Variants in AGO2 observed in about 807,000 individuals in gnomAD.
AGO2 encodes the protein argonaute RISC catalytic component 2, also known as protein argonaute-2.
A neutral mutation model predicts 102.3 loss-of-function variants in AGO2; 5 were observed. The observed-to-expected ratio is 0.05, with a 90% confidence interval of 0.03 to 0.10. The LOEUF is 0.10. Ranked by LOEUF, AGO2 falls within the 10% of genes least tolerant of loss-of-function variation. The pLI is 1.00. For synonymous variants in AGO2, 449 were observed against 473.1 expected, an observed-to-expected ratio of 0.95 and a Z score of 0.66; for missense variants, 541 against 1,183.7, an observed-to-expected ratio of 0.46 and a Z score of 7.97.
chr8:140,587,507 G>A (rs1190649827), intron 1 of AGO2, among the ~76,000 whole-genome samples: 1 of 152,196 alleles, frequency 6.6e-6, no homozygotes, highest in African/African-American at 2.4e-5. Context: ...ATCACTCACA[G>A]GGAGTCCCAC....
intron 13 of AGO2, among the ~76,000 whole-genome samples, 190 bp downstream of exon 13, chr8:140,547,278 C>A (rs146514788): frequency 6.6e-5 from 10 of 152,260 alleles, no homozygotes; most frequent in South Asian, 2.1e-4. Flanking sequence ...CTCCTGCAGA[C>A]GCCCCTGGTC....
At chr8:140,599,429 A>G (rs915771534) in intron 1 of AGO2, among the ~76,000 whole-genome samples, 5 of 152,180 alleles carry the variant, frequency 3.3e-5, no homozygotes, top group Non-Finnish European at 5.9e-5. Context: ...GTCTTTTGTG[A>G]TGATGAAGAC....
At chr8:140,573,741 G>C (rs1309174872) in intron 2 of AGO2, among the ~76,000 whole-genome samples, 1 of 152,230 alleles carries the variant, frequency 6.6e-6, no homozygotes, top group African/African-American at 2.4e-5. Flanking sequence ...ATGGAGGTAG[G>C]GTCAGGCGCC....
chr8:140,632,212 T>C lies in AGO2; in HGVS notation c.22+3273A>G, dbSNP rs182197826. Among the ~76,000 whole-genome samples, 111 of 152,384 alleles carry C rather than the reference T, an allele frequency of 7.3e-4. 1 individual carries two copies. In the East Asian group the frequency reaches 0.018, roughly 24 times the overall value. ...GTTTGGAAGCGTTTACATCTTTTTT[T>C]CCTATGCACTTACTTAAATTATTCC... is the stretch of plus-strand genomic sequence containing the variant. On this transcript the variant is annotated intron_variant, in intron 1 of 18. Transcript: ENST00000220592.
chr8:140,539,467 G>A lies in AGO2; in HGVS notation c.2035-13C>T, dbSNP rs369583258. 36 of 1,606,106 alleles carry A rather than the reference G, an allele frequency of 2.2e-5. No homozygotes were observed. Among genetic ancestry groups the A allele is most frequent in the Non-Finnish European group, 2.8e-5 (33 of 1,175,824 alleles). ...CGTGGTGGAGAACCTAGGGGTACGG[G>A]AGGGAGGAGGTTGTGCTTAAAGATG... On this transcript the variant is annotated splice_polypyrimidine_tract_variant and intron_variant, in intron 15 of 18. Transcript: ENST00000220592. This position sits in a 1 kb window ranked among gnomAD's most constrained non-coding sequence, Gnocchi z 4.7.
chr8:140,568,877 A>G (rs2073335403), intron 3 of AGO2, among the ~76,000 whole-genome samples: 2 of 152,164 alleles, frequency 1.3e-5, no homozygotes, highest in South Asian at 2.1e-4. Context: ...CTTGGGTCAA[A>G]GCACCTGGCT....
At chr8:140,635,681 G>T (rs2074399634), upstream of AGO2, 2 of 192,724 alleles carry the variant, frequency 1.0e-5, no homozygotes, top group Admixed American at 6.8e-5. Flanking sequence ...CGGCGGGAGC[G>T]GGAGCGGGAG....
In AGO2 at chr8:140,541,274, G is replaced by A. The variant is rs2072792644; in HGVS notation, c.1924C>T (p.Leu642=). The change falls in exon 15 of 19, where the codon CTG becomes TTG. Residue 642 remains leucine (L), a synonymous_variant. Coordinates refer to ENST00000220592, the MANE Select transcript of AGO2 (RefSeq NM_012154.5). ...AGGAGCTCGCGGACCATGGCGGCCAGGTCTTGTATGATCTCCTGCCGGTGC... is the reference window on the plus strand; with the variant it reads ...AGGAGCTCGCGGACCATGGCGGCCAAGTCTTGTATGATCTCCTGCCGGTGC... ...QQHRQEIIQD[L]AAMVRELLIQ... 1 of 1,613,562 alleles carries A rather than the reference G, an allele frequency of 6.2e-7. No individual in the cohort carries two copies. Among genetic ancestry groups the A allele is most frequent in the African/African-American group, 1.3e-5 (1 of 74,946 alleles).
chr8:140,545,699 C>T (rs1209145272), intron 13 of AGO2, among the ~76,000 whole-genome samples: 1 of 152,196 alleles, frequency 6.6e-6, no homozygotes, highest in Non-Finnish European at 1.5e-5. Context: ...TTGATTTTTC[C>T]TTCACACACA....
intron 1 of AGO2, among the ~76,000 whole-genome samples, chr8:140,619,261 G>A (rs117665211): frequency 0.012 from 1,826 of 152,246 alleles, 10 homozygotes; most frequent in Non-Finnish European, 0.019. Flanking sequence ...TAATATTCAC[G>A]GGCAACACCA....
chr8:140,577,844 C>T (rs777677130), intron 2 of AGO2, among the ~76,000 whole-genome samples: 7 of 152,242 alleles, frequency 4.6e-5, no homozygotes, highest in Non-Finnish European at 8.8e-5. Context: ...ATCCAGCACT[C>T]GGCATGATCA....
chr8:140,553,411 G>GT lies in AGO2; in HGVS notation c.1270-1976dup, dbSNP rs71320379. 5.9e-3 allele frequency among the ~76,000 whole-genome samples: 265 copies of GT among 45,248 alleles called. 1 individual carries two copies. The highest frequency in any genetic ancestry group is 0.015 in the Middle Eastern group (1 of 68). 29.7% of individuals were successfully genotyped at this position (45,248 alleles called of 152,430 possible). On this transcript the variant is annotated intron_variant, in intron 10 of 18. Coordinates refer to ENST00000220592, the MANE Select transcript of AGO2 (RefSeq NM_012154.5). Reference sequence around the variant, plus strand: ...ACAAGTTACAAGTTTTTTGTTTTTTGTTTTTTTTTTTTTTTGAGACGGAGT... The same window carrying GT: ...ACAAGTTACAAGTTTTTTGTTTTTTGTTTTTTTTTTTTTTTTGAGACGGAGT...
Position 140,526,063 on chromosome 8 carries a change from G to A in AGO2, c.*5981C>T, listed in dbSNP as rs1235869586. 1 of 152,220 alleles carries A rather than the reference G, an allele frequency of 6.6e-6. No homozygotes were observed. The highest frequency in any genetic ancestry group is 1.5e-5 in the Non-Finnish European group (1 of 68,036). 9.4% of individuals were successfully genotyped at this position (152,220 alleles called of 1,614,324 possible). On this transcript the variant is annotated 3_prime_UTR_variant, in exon 19 of 19. Transcript: ENST00000220592. This position sits in a 1 kb window ranked among gnomAD's most constrained non-coding sequence, Gnocchi z 5.2. ...CTTAGTTTGTTTTGCAGTAGGGAGTGAGAGTAACCCGAGGTCCCAAAGTCA... is the reference window on the plus strand; with the variant it reads ...CTTAGTTTGTTTTGCAGTAGGGAGTAAGAGTAACCCGAGGTCCCAAAGTCA...
chr8:140,539,242 G>C lies in AGO2; in HGVS notation c.2169+78C>G. ...GGGACAGCGGCACTGTGGCCAGCAG[G>C]TTCTCTTGTGAGTGTGCTCGGGGTG... On this transcript the variant is annotated intron_variant, in intron 16 of 18. Coordinates refer to ENST00000220592, the MANE Select transcript of AGO2 (RefSeq NM_012154.5). This position sits in a 1 kb window ranked among gnomAD's most constrained non-coding sequence, Gnocchi z 4.7. The C allele has an allele frequency of 1.4e-6, 2 of 1,479,586 alleles. No individual in the cohort carries two copies. Among genetic ancestry groups the C allele is most frequent in the Non-Finnish European group, 1.8e-6 (2 of 1,117,386 alleles). 91.7% of individuals were successfully genotyped at this position (1,479,586 alleles called of 1,614,324 possible).
intron 1 of AGO2, among the ~76,000 whole-genome samples, chr8:140,624,663 C>T (rs1300065138): frequency 1.3e-5 from 2 of 152,228 alleles, no homozygotes; most frequent in Admixed American, 6.5e-5. Flanking sequence ...CAGTGAGCAA[C>T]GGGCAACTCT....
chr8:140,570,726 G>A (rs1307381984), intron 3 of AGO2, among the ~76,000 whole-genome samples: 3 of 152,184 alleles, frequency 2.0e-5, no homozygotes, highest in Non-Finnish European at 1.5e-5. Context: ...TTTTACAGGT[G>A]AGGCAGTTGA....
Position 140,567,491 on chromosome 8 carries a change from G to A in AGO2, c.337-4857C>T, listed in dbSNP as rs576131510. ...CTGCTGCCTCCCGTGTTCTAACCTCGGGCAGGTGGCTCCGTTGGCTTCCTG... is the reference window on the plus strand; with the variant it reads ...CTGCTGCCTCCCGTGTTCTAACCTCAGGCAGGTGGCTCCGTTGGCTTCCTG... On this transcript the variant is annotated intron_variant, in intron 3 of 18. Coordinates refer to ENST00000220592, the MANE Select transcript of AGO2 (RefSeq NM_012154.5). This position sits in a 1 kb window ranked among gnomAD's most constrained non-coding sequence, Gnocchi z 5.0. 5.9e-5 allele frequency among the ~76,000 whole-genome samples: 9 copies of A among 152,288 alleles called. No homozygotes were observed. Among genetic ancestry groups the A allele is most frequent in the South Asian group, 2.1e-4 (1 of 4,816 alleles).
intron 1 of AGO2, among the ~76,000 whole-genome samples, chr8:140,595,659 T>C (rs2073816863): frequency 7.4e-6 from 1 of 135,376 alleles, no homozygotes; most frequent in Non-Finnish European, 1.6e-5. Flanking sequence ...TGCCAGGCTA[T>C]ATATATTATA....
chr8:140,583,017 G>A (rs1291636291), intron 2 of AGO2, among the ~76,000 whole-genome samples: 3 of 152,222 alleles, frequency 2.0e-5, no homozygotes, highest in Non-Finnish European at 4.4e-5. Context: ...CAGGGACCAG[G>A]TGGGGATCTG....
Sources: gnomAD v4.1 joint callset for allele counts (sites outside exome capture counted in the v4.1 genomes callset) on GRCh38, gnomAD v4.1.1 for gene constraint, Gnocchi (gnomAD v3.1) non-coding constraint, MANE v1.5 for transcripts, NCBI Gene and HGNC (gene_info 2026-07-23, HGNC 2026-07-21) for gene names.